ANK3: variants seen among roughly 807,000 people sequenced by gnomAD.
ANK3 encodes ankyrin 3, also known as ankyrin-3.
ANK3 carries 57 observed loss-of-function variants against 370.9 expected under a neutral mutation model. The observed-to-expected ratio is 0.15, with a 90% CI of 0.12 to 0.19. The LOEUF (loss-of-function observed/expected upper bound fraction) is 0.19, where lower values mean the gene tolerates loss of function less well. Ranked by LOEUF, ANK3 falls within the 10% of genes least tolerant of loss-of-function variation. ANK3 has a pLI of 1.00. For missense variants in ANK3, 4,439 were observed against 5,302.1 expected (o/e 0.84, Z 5.06); for synonymous variants, 1,929 against 1,946.3 (o/e 0.99, Z 0.23).
chr10:60,717,277 T>G (rs35597961), intron 1 of ANK3, among the ~76,000 whole-genome samples: 47,648 of 151,750 alleles, frequency 0.31, 7,685 homozygotes, highest in South Asian at 0.48. Context: ...AAATAAAGGG[T>G]GCATAAAACT....
At chr10:60,275,801 C>T (rs1042763760) in intron 4 of ANK3, among the ~76,000 whole-genome samples, 1 of 152,122 alleles carries the variant, frequency 6.6e-6, no homozygotes, top group African/African-American at 2.4e-5. Flanking sequence ...TTATTGGAAA[C>T]AGACTTTGCT....
At chr10:60,582,506 T>C (rs1225298872) in intron 2 of ANK3, among the ~76,000 whole-genome samples, 1 of 152,052 alleles carries the variant, frequency 6.6e-6, no homozygotes, top group Non-Finnish European at 1.5e-5. Flanking sequence ...CTGTAATATG[T>C]GCCAGAGTTG....
intron 7 of ANK3, among the ~76,000 whole-genome samples, chr10:60,239,061 C>T (rs965943545): frequency 2.0e-5 from 3 of 151,956 alleles, no homozygotes; most frequent in Admixed American, 6.6e-5. Context: ...ATCCATTGAA[C>T]TTACAGATAT....
chr10:60,088,388 G>A, intron 28 of ANK3, 30 bp from the exon 29 acceptor site: 1 of 1,582,254 alleles, frequency 6.3e-7, no homozygotes, highest in Non-Finnish European at 8.7e-7. Context: ...AAAATGCCAT[G>A]AGAATAAGCA....
intron 1 of ANK3, among the ~76,000 whole-genome samples, chr10:60,339,102 G>GA (rs545844423): frequency 1.5e-4 from 23 of 149,310 alleles, no homozygotes; most frequent in East Asian, 9.8e-4. Flanking sequence ...TTATTTGATA[G>GA]AAAAAAAAAA....
At chr10:60,694,017 T>C (rs2079401786) in intron 1 of ANK3, among the ~76,000 whole-genome samples, 6 of 151,968 alleles carry the variant, frequency 3.9e-5, no homozygotes, top group Admixed American at 3.3e-4. Flanking sequence ...TTTAGAAGAA[T>C]GTACAACTAG....
At chr10:60,157,945 A>G (rs1297217270) in intron 23 of ANK3, among the ~76,000 whole-genome samples, 1 of 150,308 alleles carries the variant, frequency 6.7e-6, no homozygotes, top group Admixed American at 6.6e-5. Flanking sequence ...GGAAGGAGGG[A>G]GGGAGATCAG....
chr10:60,581,670 C>A (rs976071348), intron 2 of ANK3, among the ~76,000 whole-genome samples: 2 of 151,912 alleles, frequency 1.3e-5, no homozygotes, highest in Admixed American at 1.3e-4. Context: ...GAACTCCTGA[C>A]ATCGTGATCC....
At chr10:60,525,018 AT>A (rs1295081565) in intron 2 of ANK3, among the ~76,000 whole-genome samples, 2 of 152,136 alleles carry the variant, frequency 1.3e-5, no homozygotes, top group African/African-American at 4.8e-5. Flanking sequence ...AAAACAAATT[AT>A]TTAAATTAAG....
intron 42 of ANK3, among the ~76,000 whole-genome samples, chr10:60,050,014 A>G (rs1382283061): frequency 1.3e-5 from 2 of 152,338 alleles, no homozygotes; most frequent in African/African-American, 4.8e-5. Flanking sequence ...TAAGCATAAA[A>G]GACAAGTTCG....
intron 43 of ANK3, among the ~76,000 whole-genome samples, chr10:60,036,422 A>ATTTT (rs563946588): frequency 0.12 from 8,778 of 71,588 alleles, 1,863 homozygotes; most frequent in Non-Finnish European, 0.16. Flanking sequence ...GTCAGAGGCA[A>ATTTT]TTTTTTTTTT....
intron 1 of ANK3, among the ~76,000 whole-genome samples, chr10:60,365,217 T>C (rs574774339): frequency 1.3e-5 from 2 of 151,800 alleles, no homozygotes; most frequent in Non-Finnish European, 2.9e-5. Context: ...TACAGAGATA[T>C]CATTCAATGT....
At chr10:60,541,750 T>C (rs1240102863) in intron 2 of ANK3, among the ~76,000 whole-genome samples, 6 of 151,876 alleles carry the variant, frequency 4.0e-5, no homozygotes, top group Admixed American at 6.6e-5. Context: ...GGGAGTTCCT[T>C]TGGGGAAGGA....
chr10:60,055,610 C>G, intron 42 of ANK3, 48 bp downstream of exon 42: 1 of 1,536,482 alleles, frequency 6.5e-7, no homozygotes, highest in Non-Finnish European at 8.7e-7. Flanking sequence ...AGTAAAGCAC[C>G]GATACTTTCC....
chr10:60,513,741 G>A (rs933944052), intron 2 of ANK3, among the ~76,000 whole-genome samples: 8 of 152,038 alleles, frequency 5.3e-5, no homozygotes, highest in Non-Finnish European at 1.2e-4. Context: ...TATGGAAGGG[G>A]AAACATGTTT....
At chr10:60,214,239 G>T (rs533328953) in intron 8 of ANK3, among the ~76,000 whole-genome samples, 1 of 152,256 alleles carries the variant, frequency 6.6e-6, no homozygotes, top group Admixed American at 6.5e-5. Flanking sequence ...ACAGGGTTCA[G>T]CATCAATATT....
intron 1 of ANK3, among the ~76,000 whole-genome samples, chr10:60,356,718 C>T (rs1466495159): frequency 6.6e-6 from 1 of 152,134 alleles, no homozygotes; most frequent in Non-Finnish European, 1.5e-5. Flanking sequence ...CTTTCTTTTT[C>T]ATTTCCTTGA....
chr10:60,415,981 G>A (rs923465992), intron 2 of ANK3, among the ~76,000 whole-genome samples: 3 of 129,800 alleles, frequency 2.3e-5, no homozygotes, highest in South Asian at 2.5e-4. Flanking sequence ...ATAAGGACAT[G>A]AGGCCTTTGG....
At chr10:60,314,025 T>C (rs774063112) in intron 1 of ANK3, among the ~76,000 whole-genome samples, 2 of 152,048 alleles carry the variant, frequency 1.3e-5, no homozygotes, top group Non-Finnish European at 2.9e-5. Context: ...TGTGCACTCT[T>C]CTAAGACAAA....
Sources: gnomAD v4.1 joint callset for allele counts (sites outside exome capture counted in the v4.1 genomes callset) on GRCh38, gnomAD v4.1.1 for gene constraint, MANE v1.5 for transcripts, NCBI Gene and HGNC (gene_info 2026-07-23, HGNC 2026-07-21) for gene names.